ROBO2: variants seen among roughly 807,000 people sequenced by gnomAD.
The protein encoded by ROBO2 is roundabout guidance receptor 2.
In ROBO2, 53 loss-of-function variants were observed where a neutral mutation model predicts 160.8. The observed-to-expected ratio is 0.33, with a 90% CI of 0.26 to 0.41. The LOEUF is 0.41. Among genes scored for constraint, ROBO2 ranks in the 10% least tolerant of loss-of-function variants. The pLI, the probability that ROBO2 is intolerant of heterozygous loss-of-function variation, is 1.00. For synonymous variants in ROBO2, 664 were observed against 611.7 expected, an observed-to-expected ratio of 1.09 and a Z score of -1.26; for missense variants, 1,577 against 1,722.4, an observed-to-expected ratio of 0.92 and a Z score of 1.49.
At chr3:75,927,156 A>T (rs6784079) in intron 1 of ROBO2, among the ~76,000 whole-genome samples, 151,228 of 152,332 alleles carry the variant, frequency 0.99, 75,069 homozygotes, top group Middle Eastern at 1. Context: ...CTTAAACAGC[A>T]ATAACTTTAT....
intron 2 of ROBO2, among the ~76,000 whole-genome samples, chr3:77,279,007 A>C (rs973186868): frequency 9.9e-5 from 15 of 152,136 alleles, no homozygotes; most frequent in African/African-American, 3.6e-4. Flanking sequence ...AAGAGGAGAC[A>C]AAGGGTTAGA....
chr3:76,593,449 G>A (rs1404342911), intron 2 of ROBO2, among the ~76,000 whole-genome samples: 1 of 151,984 alleles, frequency 6.6e-6, no homozygotes, highest in Admixed American at 6.6e-5. Context: ...CAAGAAATTG[G>A]AAGATGATTC....
intron 2 of ROBO2, among the ~76,000 whole-genome samples, chr3:76,212,534 A>G (rs1703210606): frequency 1.3e-5 from 2 of 152,016 alleles, no homozygotes; most frequent in South Asian, 4.1e-4. Context: ...TTTGTTTTTT[A>G]TCTTGGAATA....
intron 2 of ROBO2, among the ~76,000 whole-genome samples, chr3:76,101,691 T>TC (rs567450621): frequency 0.021 from 2,281 of 107,396 alleles, 27 homozygotes; most frequent in East Asian, 0.088. Flanking sequence ...ATGCTATCCC[T>TC]CCCCCCTCCC....
chr3:77,088,023 C>T (rs1309145002), intron 1 of ROBO2, among the ~76,000 whole-genome samples: 1 of 152,112 alleles, frequency 6.6e-6, no homozygotes, highest in Admixed American at 6.6e-5. Context: ...CTACCTGTCA[C>T]TGGGGCCCAC....
intron 2 of ROBO2, among the ~76,000 whole-genome samples, chr3:77,099,464 A>G (rs2071600632): frequency 6.6e-6 from 1 of 152,088 alleles, no homozygotes; most frequent in South Asian, 2.1e-4. Context: ...TAAGACCCAT[A>G]TTTTTTATTT....
intron 2 of ROBO2, among the ~76,000 whole-genome samples, chr3:76,497,826 GCCAGCATTCCCAGCATTC>G (rs904647801): frequency 2.1e-3 from 317 of 152,202 alleles, no homozygotes; most frequent in African/African-American, 7.2e-3. Flanking sequence ...ATTAACTTCT[GCCAGCATTCCCAGCATTC>G]CCAGCATTCC....
At chr3:77,265,306 C>G (rs188495689) in intron 2 of ROBO2, among the ~76,000 whole-genome samples, 1 of 152,158 alleles carries the variant, frequency 6.6e-6, no homozygotes, top group Non-Finnish European at 1.5e-5. Flanking sequence ...TGCCAATCCA[C>G]CCTTCTTTTC....
intron 2 of ROBO2, among the ~76,000 whole-genome samples, chr3:76,050,325 C>T (rs1387247341): frequency 6.6e-6 from 1 of 152,152 alleles, no homozygotes; most frequent in Admixed American, 6.6e-5. Flanking sequence ...GACTCTTGGA[C>T]TTAACACCAG....
intron 2 of ROBO2, among the ~76,000 whole-genome samples, chr3:77,428,148 T>C (rs960538514): frequency 6.6e-6 from 1 of 152,148 alleles, no homozygotes; most frequent in African/African-American, 2.4e-5. Context: ...CTTTTTAATC[T>C]ACCCAAGTAT....
intron 2 of ROBO2, among the ~76,000 whole-genome samples, chr3:76,767,426 A>G (rs1485895566): frequency 6.6e-5 from 10 of 151,648 alleles, no homozygotes; most frequent in Non-Finnish European, 1.5e-4. Context: ...TCGAAGAACG[A>G]TTTAAAGTAG....
At chr3:76,292,651 A>G (rs563156929) in intron 2 of ROBO2, among the ~76,000 whole-genome samples, 21 of 152,298 alleles carry the variant, frequency 1.4e-4, no homozygotes, top group African/African-American at 4.8e-4. Flanking sequence ...GAAGTAACTC[A>G]TCAATCACAT....
chr3:76,822,622 A>T (rs2066218451), intron 2 of ROBO2, among the ~76,000 whole-genome samples: 1 of 151,888 alleles, frequency 6.6e-6, no homozygotes, highest in African/African-American at 2.4e-5. Flanking sequence ...GAAAAAAATT[A>T]TCATGATGAA....
intron 2 of ROBO2, among the ~76,000 whole-genome samples, chr3:77,349,416 G>C (rs11915797): frequency 0.27 from 41,739 of 151,850 alleles, 6,250 homozygotes; most frequent in East Asian, 0.54. Context: ...GTCTGTTCTT[G>C]GGAGCTACAG....
At chr3:75,908,614 C>A (rs1240836982) in intron 1 of ROBO2, among the ~76,000 whole-genome samples, 1 of 151,966 alleles carries the variant, frequency 6.6e-6, no homozygotes, top group Admixed American at 6.6e-5. Flanking sequence ...TAGTTCTTTA[C>A]CCAAACAATT....
At chr3:76,721,325 AT>A (rs1490745468) in intron 2 of ROBO2, among the ~76,000 whole-genome samples, 1 of 152,174 alleles carries the variant, frequency 6.6e-6, no homozygotes, top group African/African-American at 2.4e-5. Flanking sequence ...ACATTTTAAT[AT>A]GCTTTTCATC....
chr3:76,684,940 A>G (rs1264081836), intron 2 of ROBO2, among the ~76,000 whole-genome samples: 3 of 151,826 alleles, frequency 2.0e-5, no homozygotes, highest in Admixed American at 1.3e-4. Context: ...AAATTTTTGT[A>G]TAGCATATGA....
intron 7 of ROBO2, among the ~76,000 whole-genome samples, chr3:77,547,695 T>A (rs1178626098): frequency 6.6e-6 from 1 of 152,008 alleles, no homozygotes; most frequent in African/African-American, 2.4e-5. Context: ...CAGCTCTCCT[T>A]GGTGGAGTCA....
rs558372109 is a variant in ROBO2 at position 77,558,205 on chromosome 3, T to C, written c.1437+56T>C. 2.5e-5 allele frequency: 36 copies of C among 1,426,246 alleles called. No individual in the cohort carries two copies. In the South Asian group the frequency reaches 3.1e-4, roughly 12 times the overall value. The allele number at this position is 1,426,246 out of a possible 1,614,324, so 88.3% of individuals were successfully genotyped here. On this transcript the variant is annotated intron_variant, in intron 9 of 25. Transcript: ENST00000461745. ...TCATCTACACATAAGTACTGCTCTA[T>C]GGAAAAATTGCATAGTGAACTTAAA...
Sources: allele counts gnomAD v4.1 joint callset (sites outside exome capture counted in the v4.1 genomes callset), GRCh38; gene constraint gnomAD v4.1.1; transcripts MANE v1.5; gene names NCBI Gene and HGNC (gene_info 2026-07-23, HGNC 2026-07-21).